The following MPDZ variants were observed in gnomAD, a reference collection of about 807,000 sequenced individuals.
MPDZ encodes multiple PDZ domain crumbs cell polarity complex component.
MPDZ carries 234 observed loss-of-function variants against 239.1 expected under a neutral mutation model. The observed-to-expected ratio is 0.98, with a 90% CI of 0.88 to 1.09. The LOEUF (loss-of-function observed/expected upper bound fraction) is 1.09. MPDZ is among the 50% of genes least tolerant of loss of function. The pLI is 0.00. For missense variants in MPDZ, 3,175 were observed against 2,510.0 expected, an observed-to-expected ratio of 1.26 and a Z score of -5.66; for synonymous variants, 1,048 against 881.3, an observed-to-expected ratio of 1.19 and a Z score of -3.35.
At chr9:13,113,170 G>A (rs1438532951) in intron 41 of MPDZ, 116 bp from the exon 42 acceptor site, 21 of 854,158 alleles carry the variant, frequency 2.5e-5, no homozygotes, top group Non-Finnish European at 3.4e-5. Flanking sequence ...TTTTTTTAAG[G>A]GGGTGCTCAA....
chr9:13,267,342 C>T (rs1290677891), intron 1 of MPDZ, among the ~76,000 whole-genome samples: 1 of 152,166 alleles, frequency 6.6e-6, no homozygotes, highest in African/African-American at 2.4e-5. Context: ...ATATGCATTT[C>T]CTTTAATCCT....
chr9:13,163,363 G>T (rs192511497), intron 22 of MPDZ, among the ~76,000 whole-genome samples: 12 of 152,202 alleles, frequency 7.9e-5, no homozygotes, highest in African/African-American at 2.9e-4. Flanking sequence ...TGAGTTTATG[G>T]AAAGACTCTT....
chr9:13,124,151 T>C (rs1944778949), intron 35 of MPDZ, among the ~76,000 whole-genome samples: 1 of 152,218 alleles, frequency 6.6e-6, no homozygotes, highest in Non-Finnish European at 1.5e-5. Flanking sequence ...ATTTTCTTGC[T>C]CCTTAAATGG....
At chr9:13,147,148 T>C (rs1327681307) in intron 26 of MPDZ, among the ~76,000 whole-genome samples, 2 of 152,028 alleles carry the variant, frequency 1.3e-5, no homozygotes, top group Non-Finnish European at 2.9e-5. Context: ...AGATTCTGTC[T>C]AGAGAATAAA....
intron 32 of MPDZ, among the ~76,000 whole-genome samples, chr9:13,128,434 T>C (rs771670756): frequency 6.6e-6 from 1 of 152,200 alleles, no homozygotes; most frequent in African/African-American, 2.4e-5. Flanking sequence ...TTGGAAGCAA[T>C]GTCCAGCCCA....
intron 38 of MPDZ, among the ~76,000 whole-genome samples, chr9:13,121,388 T>A (rs913592177): frequency 2.0e-5 from 3 of 152,190 alleles, no homozygotes; most frequent in Non-Finnish European, 2.9e-5. Flanking sequence ...GATTCCTTTG[T>A]TGCAAGAATA....
chr9:13,139,724 G>C (rs1947352576), intron 28 of MPDZ, among the ~76,000 whole-genome samples: 1 of 152,152 alleles, frequency 6.6e-6, no homozygotes, highest in Non-Finnish European at 1.5e-5. Flanking sequence ...TAGCTTCTGA[G>C]AGAGTGCCCT....
At chr9:13,135,138 T>G (rs1415241644) in intron 31 of MPDZ, 1 of 152,236 alleles carries the variant, frequency 6.6e-6, no homozygotes, top group Admixed American at 6.5e-5. Context: ...CCAAATAGAA[T>G]GTACCATATT....
intron 11 of MPDZ, 107 bp downstream of exon 11, chr9:13,205,809 T>C (rs968571105): frequency 9.6e-7 from 1 of 1,042,082 alleles, no homozygotes; most frequent in Non-Finnish European, 1.3e-6. Flanking sequence ...GTAAAAAGCA[T>C]TCTGAATAAT....
rs962313170 is a variant in MPDZ, at chr9:13,274,633, A to G, written c.-58+4767T>C. 1.7e-4 allele frequency: 26 copies of G among 151,744 alleles called. 1 individual carries two copies. The highest frequency in any genetic ancestry group is 5.8e-4 in the African/African-American group (24 of 41,380). The allele number at this position is 151,744 out of a possible 1,614,324, so 9.4% of individuals were successfully genotyped here. On this transcript the variant is annotated intron_variant, in intron 1 of 46. Coordinates refer to ENST00000319217, the MANE Select transcript of MPDZ (RefSeq NM_001378778.1). ...CACCTAAAAAACAAAAAAAAAAAAA[A>G]GTTTTTATTTTATGTAACATAAATT...
intron 38 of MPDZ, among the ~76,000 whole-genome samples, chr9:13,120,838 T>C (rs1187107566): frequency 1.3e-5 from 2 of 152,158 alleles, no homozygotes; most frequent in Non-Finnish European, 2.9e-5. Flanking sequence ...TGCTTTGAAA[T>C]GGTGGCTATC....
chr9:13,111,592 T>C (rs552964963), intron 43 of MPDZ, among the ~76,000 whole-genome samples: 4 of 152,320 alleles, frequency 2.6e-5, no homozygotes, highest in African/African-American at 9.6e-5. Flanking sequence ...TTTTATAACA[T>C]TGTAAGTCAT....
At chr9:13,107,137 T>TA (rs763200411) in intron 46 of MPDZ, 26 bp from the exon 47 acceptor site, 1 of 1,531,764 alleles carries the variant, frequency 6.5e-7, no homozygotes, top group African/African-American at 1.4e-5. Context: ...TAGACTTGTT[T>TA]ATTTCTCAAA....
At chr9:13,205,154 G>A (rs1429199071) in intron 11 of MPDZ, 47 bp from the exon 12 acceptor site, 2 of 1,047,312 alleles carry the variant, frequency 1.9e-6, no homozygotes, top group Admixed American at 3.6e-5. Flanking sequence ...GTATAATCAA[G>A]TACTTGAATT....
chr9:13,227,903 C>A (rs540226632), intron 3 of MPDZ, among the ~76,000 whole-genome samples: 12 of 152,038 alleles, frequency 7.9e-5, no homozygotes, highest in Non-Finnish European at 1.5e-4. Flanking sequence ...TATAAATTGG[C>A]AAATTTATAC....
intron 23 of MPDZ, among the ~76,000 whole-genome samples, chr9:13,160,320 C>T (rs938631581): frequency 6.6e-6 from 1 of 152,058 alleles, no homozygotes; most frequent in South Asian, 2.1e-4. Context: ...AATGCATATC[C>T]ATGTGTTCTA....
intron 1 of MPDZ, among the ~76,000 whole-genome samples, chr9:13,258,750 A>G (rs1969999961): frequency 6.6e-6 from 1 of 152,204 alleles, no homozygotes; most frequent in East Asian, 1.9e-4. Flanking sequence ...TCAAAAAAGC[A>G]TTCATGAATA....
chr9:13,193,471 T>A (rs1022509962), intron 13 of MPDZ, among the ~76,000 whole-genome samples, 158 bp from the exon 14 acceptor site: 1 of 152,206 alleles, frequency 6.6e-6, no homozygotes, highest in Non-Finnish European at 1.5e-5. Flanking sequence ...GGCTTTTCCT[T>A]TGAAAGAGTA....
Position 13,107,008 on chromosome 9 carries a change from A to C in MPDZ, c.6170T>G (p.Leu2057Arg). 6.2e-7 allele frequency: 1 copy of C among 1,613,656 alleles called. No homozygotes were observed. Reference protein sequence around the residue: ...GVTHEEAVAILKRTKGTVTLM... With the variant: ...GVTHEEAVAIRKRTKGTVTLM... ...AGTGACAGTGCCTTTTGTCCGTTTA[A>C]GGATGGCAACAGCTTCTTCATGGGT... The change falls in exon 47 of 47, where the codon CTT becomes CGT. Residue 2057 changes from leucine to arginine, a missense_variant. Leu to Arg is a moderately radical substitution (Grantham distance 102). Transcript: ENST00000319217.
Sources: gnomAD v4.1 joint callset for allele counts (sites outside exome capture counted in the v4.1 genomes callset) on GRCh38, gnomAD v4.1.1 for gene constraint, MANE v1.5 for transcripts, NCBI Gene and HGNC (gene_info 2026-07-23, HGNC 2026-07-21) for gene names.